The following GGTA1 variants were observed in gnomAD, a reference collection of about 807,000 sequenced individuals.
GGTA1 encodes glycoprotein alpha-galactosyltransferase 1 (inactive).
In GGTA1, 5 loss-of-function variants were observed where a neutral mutation model predicts 2.6. The ratio of observed to expected loss-of-function variants is 1.92; its 90% CI spans 1.00 to 4.04. The LOEUF is 4.04. Among genes scored for constraint, GGTA1 ranks in the 30% most tolerant of loss-of-function variants. The pLI is 0.00. For synonymous variants in GGTA1, 17 were observed against 5.0 expected, an observed-to-expected ratio of 3.38 and a Z score of -3.19; for missense variants, 50 against 16.7, an observed-to-expected ratio of 2.99 and a Z score of -3.47.
intron 1 of GGTA1, among the ~76,000 whole-genome samples, chr9:121,493,139 A>G (rs142436777): frequency 1.0e-4 from 9 of 89,566 alleles, no homozygotes; most frequent in Non-Finnish European, 2.5e-4. Flanking sequence ...GTCTCCAAAG[A>G]AAAAAAAAAA....
intron 1 of GGTA1, among the ~76,000 whole-genome samples, chr9:121,473,186 G>A (rs1001191147): frequency 1.2e-4 from 18 of 152,076 alleles, no homozygotes; most frequent in South Asian, 6.2e-4. Context: ...TGGGTGTTGC[G>A]GCACATGCCT....
At chr9:121,469,652 TATG>T (rs950879876) in intron 1 of GGTA1, among the ~76,000 whole-genome samples, 2 of 152,190 alleles carry the variant, frequency 1.3e-5, no homozygotes, top group Non-Finnish European at 2.9e-5. Flanking sequence ...GGCTATATGT[TATG>T]ATGTTTTCAC....
At chr9:121,491,181 C>G (rs535915999) in intron 1 of GGTA1, among the ~76,000 whole-genome samples, 2 of 152,176 alleles carry the variant, frequency 1.3e-5, no homozygotes, top group African/African-American at 2.4e-5. Context: ...AAAGCTACCC[C>G]ACTCCTAATT....
rs868424882 is a variant in GGTA1, at chr9:121,476,230, T to G, written c.-9-8299A>C. On this transcript the variant is annotated intron_variant, in intron 1 of 5. Transcript: ENST00000481799. This position sits in a 1 kb window ranked among gnomAD's most constrained non-coding sequence, Gnocchi z 4.6. ...TCCACACGCCAACTGCATGTTGTGA[T>G]AAAGTCAGCTCCATGCCCTGCTCTA... 6.6e-6 allele frequency among the ~76,000 whole-genome samples: 1 copy of G among 152,162 alleles called. No individual in the cohort carries two copies. Among genetic ancestry groups the G allele is most frequent in the African/African-American group, 2.4e-5 (1 of 41,432 alleles).
intron 1 of GGTA1, among the ~76,000 whole-genome samples, chr9:121,498,562 T>A (rs1212958339): frequency 6.6e-6 from 1 of 152,212 alleles, no homozygotes; most frequent in Non-Finnish European, 1.5e-5. Flanking sequence ...TCGGGGAAAC[T>A]GAGGCTCTGT....
intron 5 of GGTA1, among the ~76,000 whole-genome samples, chr9:121,459,861 G>A (rs1176974170): frequency 6.6e-6 from 1 of 152,282 alleles, no homozygotes; most frequent in African/African-American, 2.4e-5. Flanking sequence ...GATTTCTCCT[G>A]TCTCCTCTCC....
intron 1 of GGTA1, among the ~76,000 whole-genome samples, chr9:121,479,935 T>C (rs1436282443): frequency 6.6e-6 from 1 of 152,182 alleles, no homozygotes; most frequent in Non-Finnish European, 1.5e-5. Flanking sequence ...AAGGCTCAAC[T>C]CCGCTCTCTG....
At chr9:121,454,801 T>A (rs961769515), downstream of GGTA1, among the ~76,000 whole-genome samples, 2 of 152,094 alleles carry the variant, frequency 1.3e-5, no homozygotes, top group Admixed American at 1.3e-4. Flanking sequence ...TCATTTGAGA[T>A]CAGGAGTTCA....
chr9:121,451,247 G>A (rs574428832), downstream of GGTA1, among the ~76,000 whole-genome samples: 7 of 152,146 alleles, frequency 4.6e-5, no homozygotes, highest in Admixed American at 3.9e-4. Context: ...ACCCAGGGGC[G>A]TGATCTCAGC....
chr9:121,488,641 C>T (rs982744624), intron 1 of GGTA1, among the ~76,000 whole-genome samples: 2 of 152,124 alleles, frequency 1.3e-5, no homozygotes, highest in South Asian at 2.1e-4. Context: ...CGCTTGAACC[C>T]GGGAGGCGGA....
chr9:121,468,121 C>A lies in GGTA1; in HGVS notation c.-9-190G>T, dbSNP rs1293902961. 2.6e-5 allele frequency among the ~76,000 whole-genome samples: 4 copies of A among 152,334 alleles called. No individual in the cohort carries two copies. In the East Asian group the frequency reaches 7.7e-4, roughly 29 times the overall value. On this transcript the variant is annotated intron_variant, in intron 1 of 5. Coordinates refer to ENST00000481799, the MANE Select transcript of GGTA1 (RefSeq NM_001382585.1). Reference sequence around the variant, plus strand: ...ACACGTGCCATGGTGGTGCACCCAGCAACCCATCATCTACATTAGGTATTT... The same window carrying A: ...ACACGTGCCATGGTGGTGCACCCAGAAACCCATCATCTACATTAGGTATTT...
At chr9:121,454,515 C>T (rs1166031355), downstream of GGTA1, among the ~76,000 whole-genome samples, 1 of 152,160 alleles carries the variant, frequency 6.6e-6, no homozygotes, top group Non-Finnish European at 1.5e-5. Context: ...AAGAAACTAG[C>T]ACAGATAAGT....
chr9:121,447,406 C>T (rs573319143), exon 8 of GGTA1: 8 of 152,722 alleles, frequency 5.2e-5, no homozygotes, highest in South Asian at 2.1e-4. Context: ...GATCTTCATA[C>T]GCATCATGCT....
At chr9:121,484,572 T>C (rs1324730028) in intron 1 of GGTA1, among the ~76,000 whole-genome samples, 1 of 152,214 alleles carries the variant, frequency 6.6e-6, no homozygotes, top group Non-Finnish European at 1.5e-5. Flanking sequence ...GTCCCGCCGC[T>C]GTCTACATTT....
Position 121,460,091 on chromosome 9 carries a change from C to T in GGTA1, c.298+13G>A, listed in dbSNP as rs1273090023. On this transcript the variant is annotated intron_variant, in intron 5 of 5. Coordinates refer to ENST00000481799, the MANE Select transcript of GGTA1 (RefSeq NM_001382585.1). The stretch of plus-strand genomic sequence containing the variant: ...TGGATTTGCTGCACAGGGAGTGACG[C>T]CGCTTTTCTTACTTTGGATTAAACC... The T allele has an allele frequency of 2.2e-6, 1 of 456,652 alleles. No homozygotes were observed. Among genetic ancestry groups the T allele is most frequent in the Non-Finnish European group, 4.4e-6 (1 of 226,946 alleles). The allele number at this position is 456,652 out of a possible 1,614,324, so 28.3% of individuals were successfully genotyped here. A position where few individuals can be genotyped will look rare whatever the true frequency, so the allele number is the denominator to read the frequency against.
chr9:121,454,005 C>T (rs562889830), downstream of GGTA1, among the ~76,000 whole-genome samples: 1 of 152,174 alleles, frequency 6.6e-6, no homozygotes, highest in Non-Finnish European at 1.5e-5. Flanking sequence ...TCCCAGATTC[C>T]ACCACAGCTG....
chr9:121,496,036 C>T (rs1828985642), intron 1 of GGTA1, among the ~76,000 whole-genome samples: 1 of 152,206 alleles, frequency 6.6e-6, no homozygotes, highest in Non-Finnish European at 1.5e-5. Flanking sequence ...CTTTAAATCC[C>T]AGTTGACCCA....
At chr9:121,454,716 T>C (rs1208289307), downstream of GGTA1, among the ~76,000 whole-genome samples, 1 of 152,090 alleles carries the variant, frequency 6.6e-6, no homozygotes, top group Non-Finnish European at 1.5e-5. Context: ...TAACCCTATT[T>C]CCACTTAAAA....
chr9:121,466,006 C>G (rs35061312), intron 2 of GGTA1, among the ~76,000 whole-genome samples: 1 of 152,284 alleles, frequency 6.6e-6, no homozygotes, highest in South Asian at 2.1e-4. Flanking sequence ...GCCTCAACCT[C>G]TCAGGCTCAA....
Sources: allele counts gnomAD v4.1 joint callset (sites outside exome capture counted in the v4.1 genomes callset), GRCh38; gene constraint gnomAD v4.1.1; non-coding constraint Gnocchi (gnomAD v3.1); transcripts MANE v1.5; gene names NCBI Gene and HGNC (gene_info 2026-07-23, HGNC 2026-07-21).